GCSAML: variants seen among roughly 807,000 people sequenced by gnomAD.
GCSAML encodes the protein germinal center-associated signaling and motility-like protein.
GCSAML carries 9 observed loss-of-function variants against 13.0 expected under a neutral mutation model. The ratio of observed to expected loss-of-function variants is 0.69; its 90% CI spans 0.42 to 1.21. GCSAML has a LOEUF of 1.21. Ranked by LOEUF, GCSAML falls within the 50% of genes most tolerant of loss-of-function variation. GCSAML has a pLI of 0.00. For synonymous variants in GCSAML, 37 were observed against 52.9 expected, an observed-to-expected ratio of 0.70 and a Z score of 1.31; for missense variants, 143 against 153.4, an observed-to-expected ratio of 0.93 and a Z score of 0.36.
At position 247,575,395 on chromosome 1, in the gene GCSAML, T is replaced by G. The variant is rs1397578695; in HGVS notation, c.*1013T>G. 2 of 152,170 alleles carry G rather than the reference T, an allele frequency of 1.3e-5. No homozygotes were observed. Among genetic ancestry groups the G allele is most frequent in the South Asian group, 4.1e-4 (2 of 4,826 alleles). 9.4% of individuals were successfully genotyped at this position (152,170 alleles called of 1,614,324 possible). A position where few individuals can be genotyped will look rare whatever the true frequency, so the allele number is the denominator to read the frequency against. On this transcript the variant is annotated 3_prime_UTR_variant, in exon 5 of 5. Transcript: ENST00000366488. The stretch of plus-strand genomic sequence containing the variant: ...CAATTCCAAGCCTGCTCACCAAATT[T>G]CAAATGCCAACATCTCCCCATCCAA...
intron 2 of GCSAML, among the ~76,000 whole-genome samples, chr1:247,558,971 G>T (rs1019240058): frequency 1.3e-5 from 2 of 152,004 alleles, no homozygotes; most frequent in African/African-American, 4.8e-5. Flanking sequence ...TGTCCTATAT[G>T]TTAACTTTGA....
chr1:247,561,651 A>C (rs1340174902), intron 2 of GCSAML, among the ~76,000 whole-genome samples: 1 of 152,072 alleles, frequency 6.6e-6, no homozygotes, highest in Non-Finnish European at 1.5e-5. Context: ...TATTATTGTT[A>C]ATAACTATTA....
intron 4 of GCSAML, among the ~76,000 whole-genome samples, chr1:247,572,414 C>T (rs1436975709): frequency 2.0e-5 from 3 of 152,096 alleles, no homozygotes; most frequent in African/African-American, 4.8e-5. Context: ...TTGATGTTGA[C>T]GCTATTGCTT....
rs376815601 is a variant in GCSAML, at chr1:247,565,978, G to T, written c.168+19G>T. On this transcript the variant is annotated intron_variant, in intron 4 of 4. Coordinates refer to ENST00000366488, the MANE Select transcript of GCSAML (RefSeq NM_145278.5). The stretch of plus-strand genomic sequence containing the variant: ...TAATCAGGTAAGTAGAAAACAAAAA[G>T]CAAGACAAAAGAAAAACACAAACTT... 29 of 1,520,514 alleles carry T rather than the reference G, an allele frequency of 1.9e-5. No homozygotes were observed. The highest frequency in any genetic ancestry group is 2.5e-5 in the Non-Finnish European group (28 of 1,140,362). The allele number at this position is 1,520,514 out of a possible 1,614,324, so 94.2% of individuals were successfully genotyped here.
chr1:247,530,268 T>C (rs2102997897), intron 2 of GCSAML: 1 of 152,320 alleles, frequency 6.6e-6, no homozygotes, highest in South Asian at 2.1e-4. Context: ...GGTTACTCTA[T>C]TGATAGAGGT....
chr1:247,539,396 T>C (rs1667331020), intron 2 of GCSAML, among the ~76,000 whole-genome samples: 1 of 152,172 alleles, frequency 6.6e-6, no homozygotes, highest in Non-Finnish European at 1.5e-5. Flanking sequence ...GGACCAGTGG[T>C]TTCAGCTAGC....
At chr1:247,549,588 C>T (rs1280106264) in intron 1 of GCSAML, among the ~76,000 whole-genome samples, 1 of 152,070 alleles carries the variant, frequency 6.6e-6, no homozygotes, top group Non-Finnish European at 1.5e-5. Context: ...AGCAGTGCAT[C>T]TTGTATTTCA....
upstream of GCSAML, chr1:247,549,038 T>C (rs1352543446): frequency 3.2e-6 from 5 of 1,574,280 alleles, no homozygotes; most frequent in Non-Finnish European, 3.4e-6. Context: ...TTCTCTATCA[T>C]GCGCAGGCCC....
chr1:247,538,830 T>C (rs1667311613), intron 2 of GCSAML: 1 of 448,222 alleles, frequency 2.2e-6, no homozygotes, highest in African/African-American at 2.0e-5. Flanking sequence ...ACCACCCAGT[T>C]TGTGGTGTTT....
chr1:247,547,429 A>AGATG (rs1255742422), upstream of GCSAML, among the ~76,000 whole-genome samples: 2 of 152,240 alleles, frequency 1.3e-5, no homozygotes, highest in Non-Finnish European at 2.9e-5. Flanking sequence ...GGTGCTGAAA[A>AGATG]GATGGAAACC....
chr1:247,520,302 T>G (rs1273588650), intron 1 of GCSAML, among the ~76,000 whole-genome samples: 1 of 152,204 alleles, frequency 6.6e-6, no homozygotes, highest in Non-Finnish European at 1.5e-5. Context: ...TTGAGTAAAG[T>G]AGATTACCCT....
chr1:247,549,206 C>G lies in GCSAML; in HGVS notation c.15C>G (p.Leu5=). The G allele has an allele frequency of 6.2e-7, 1 of 1,614,084 alleles. No homozygotes were observed. Residue 5 remains leucine, a synonymous_variant, in exon 1 of 5, where the codon CTC becomes CTG. Coordinates refer to ENST00000366488, the MANE Select transcript of GCSAML (RefSeq NM_145278.5). MGNY[L]LRKLSCLGEN... The stretch of plus-strand genomic sequence containing the variant: ...ACTGTGAAAAGATGGGAAATTATCT[C>G]CTGCGAAAACTCAGGTGAGTCTTGA...
At chr1:247,520,165 C>T (rs113624711) in intron 1 of GCSAML, among the ~76,000 whole-genome samples, 1,699 of 152,236 alleles carry the variant, frequency 0.011, 19 homozygotes, top group Non-Finnish European at 0.018. Context: ...CTACTTAGTT[C>T]CTGTAATGGC....
intron 2 of GCSAML, among the ~76,000 whole-genome samples, chr1:247,538,012 AT>A (rs35299196): frequency 0.087 from 13,281 of 151,828 alleles, 675 homozygotes; most frequent in African/African-American, 0.13. Context: ...TAATTTATCT[AT>A]TTTTTTTGTT....
intron 2 of GCSAML, among the ~76,000 whole-genome samples, chr1:247,541,519 A>G (rs1473151121): frequency 6.6e-6 from 1 of 152,200 alleles, no homozygotes; most frequent in Non-Finnish European, 1.5e-5. Context: ...TGGAGCCCAA[A>G]TAAAAAATCA....
At chr1:247,532,632 GT>G in intron 2 of GCSAML, 1 of 1,000,814 alleles carries the variant, frequency 1.0e-6, no homozygotes, top group South Asian at 1.7e-5. Context: ...TTCATTTTAT[GT>G]TATTCTTTTT....
rs557433825 is a variant in GCSAML at position 247,562,334 on chromosome 1, C to T, written c.90-1256C>T. On this transcript the variant is annotated intron_variant, in intron 2 of 4. Transcript: ENST00000366488. ...CTGGGAGTTCAGTCCTCAGCGCGCC[C>T]GTGCCTGAGGTCCGTGTGCCAGAGG... is the stretch of plus-strand genomic sequence containing the variant. Among the ~76,000 whole-genome samples the T allele has an allele frequency of 6.6e-5, 10 of 152,242 alleles. No homozygotes were observed. The South Asian group carries it at 1.4e-3, about 22-fold the overall frequency.
At chr1:247,509,385 T>C (rs1400635202) in intron 1 of GCSAML, among the ~76,000 whole-genome samples, 4 of 152,254 alleles carry the variant, frequency 2.6e-5, no homozygotes, top group African/African-American at 4.8e-5. Context: ...AAGTTGCTTA[T>C]CAGCTTAAGG....
chr1:247,550,554 G>A (rs917301616), intron 1 of GCSAML, among the ~76,000 whole-genome samples: 16 of 152,106 alleles, frequency 1.1e-4, no homozygotes, highest in South Asian at 2.1e-4. Flanking sequence ...GGAGAATGGC[G>A]TGAACCCGGG....
Sources: gnomAD v4.1 joint callset for allele counts (sites outside exome capture counted in the v4.1 genomes callset) on GRCh38, gnomAD v4.1.1 for gene constraint, MANE v1.5 for transcripts, NCBI Gene and HGNC (gene_info 2026-07-23, HGNC 2026-07-21) for gene names.